The following CEP128 variants were observed in gnomAD, a reference collection of about 807,000 sequenced individuals.
The protein encoded by CEP128 is centrosomal protein 128kDa.
CEP128 carries 132 observed loss-of-function variants against 156.7 expected under a neutral mutation model. The observed-to-expected ratio is 0.84, with a 90% CI of 0.73 to 0.97. The LOEUF is 0.97. CEP128 is among the 50% of genes least tolerant of loss of function. CEP128 has a pLI of 0.00. For synonymous variants in CEP128, 469 were observed against 448.9 expected (o/e 1.04, Z -0.57); for missense variants, 1,252 against 1,281.9 (o/e 0.98, Z 0.36).
At chr14:80,700,733 A>T (rs1324176879) in intron 19 of CEP128, among the ~76,000 whole-genome samples, 2 of 152,152 alleles carry the variant, frequency 1.3e-5, no homozygotes, top group Non-Finnish European at 2.9e-5. Context: ...ATTCAAAGAG[A>T]AAGAGCAATG....
chr14:80,912,891 A>G (rs1358119129), intron 4 of CEP128, among the ~76,000 whole-genome samples: 2 of 152,188 alleles, frequency 1.3e-5, no homozygotes, highest in Admixed American at 6.5e-5. Context: ...GTACATATAC[A>G]ATGTGATTTT....
At chr14:80,872,755 G>T (rs1355065927) in intron 8 of CEP128, among the ~76,000 whole-genome samples, 1 of 152,122 alleles carries the variant, frequency 6.6e-6, no homozygotes, top group African/African-American at 2.4e-5. Flanking sequence ...CTGACAGCAG[G>T]TTATGAATTC....
chr14:80,566,530 A>G (rs1890915956), intron 20 of CEP128, among the ~76,000 whole-genome samples: 1 of 152,238 alleles, frequency 6.6e-6, no homozygotes, highest in Non-Finnish European at 1.5e-5. Context: ...CAAGACAAAA[A>G]TCACTATCTC....
downstream of CEP128, among the ~76,000 whole-genome samples, chr14:80,486,201 C>T (rs1417022839): frequency 6.6e-6 from 1 of 152,020 alleles, no homozygotes; most frequent in Non-Finnish European, 1.5e-5. Flanking sequence ...AAAGCCAAGG[C>T]TCAAGAACTA....
At chr14:80,937,368 A>T (rs1831931803) in intron 2 of CEP128, among the ~76,000 whole-genome samples, 1 of 152,140 alleles carries the variant, frequency 6.6e-6, no homozygotes, top group Non-Finnish European at 1.5e-5. Flanking sequence ...ATCTATTTCT[A>T]TGACTATTAA....
chr14:80,754,502 C>T (rs1046215079), intron 18 of CEP128, among the ~76,000 whole-genome samples: 5 of 135,064 alleles, frequency 3.7e-5, no homozygotes, highest in Non-Finnish European at 6.1e-5. Context: ...CTTGCTCTGT[C>T]ACCAGAATGG....
At chr14:80,851,497 A>G (rs547698353) in intron 9 of CEP128, among the ~76,000 whole-genome samples, 10 of 152,232 alleles carry the variant, frequency 6.6e-5, no homozygotes, top group Admixed American at 6.5e-4. Context: ...GATATCTTAG[A>G]CTAATAAGTA....
At chr14:80,648,703 T>C (rs984972097) in intron 19 of CEP128, among the ~76,000 whole-genome samples, 1 of 152,158 alleles carries the variant, frequency 6.6e-6, no homozygotes, top group Non-Finnish European at 1.5e-5. Context: ...TGTTTATTCA[T>C]TTTTTCATTC....
intron 1 of CEP128, among the ~76,000 whole-genome samples, chr14:80,958,681 A>G (rs1353150221): frequency 6.6e-6 from 1 of 152,108 alleles, no homozygotes. Context: ...CTTTCTAGAC[A>G]AGAAAGATCT....
intron 13 of CEP128, chr14:80,830,342 TA>T: frequency 4.5e-6 from 2 of 448,360 alleles, no homozygotes; most frequent in South Asian, 4.8e-5. Flanking sequence ...TTGGGTTATA[TA>T]AAATTAGGTG....
chr14:80,899,528 A>G (rs1883407161), intron 7 of CEP128, among the ~76,000 whole-genome samples: 1 of 152,208 alleles, frequency 6.6e-6, no homozygotes, highest in African/African-American at 2.4e-5. Flanking sequence ...AAGCTAAAGT[A>G]TTGGATTCTA....
Position 80,681,047 on chromosome 14 carries a change from G to A in CEP128, c.2806+62028C>T, listed in dbSNP as rs144945335. Among the ~76,000 whole-genome samples, 1,153 of 151,910 alleles carry A rather than the reference G, an allele frequency of 7.6e-3. 5 individuals are homozygous for A. Among genetic ancestry groups the A allele is most frequent in the Non-Finnish European group, 0.013 (879 of 67,996 alleles). ...GCTATATACCATGCTGGCTATAGTCGGCTCTTGCTCATAAATGCCAAATAC... is the reference window on the plus strand; with the variant it reads ...GCTATATACCATGCTGGCTATAGTCAGCTCTTGCTCATAAATGCCAAATAC... On this transcript the variant is annotated intron_variant, in intron 19 of 24. Transcript: ENST00000555265.
At chr14:80,764,468 C>T (rs1253342870) in intron 16 of CEP128, among the ~76,000 whole-genome samples, 5 of 150,512 alleles carry the variant, frequency 3.3e-5, no homozygotes, top group South Asian at 2.1e-4. Context: ...CACTGCAGTC[C>T]GCAGTCCGGC....
intron 13 of CEP128, among the ~76,000 whole-genome samples, chr14:80,819,438 G>C (rs1037122452): frequency 6.6e-6 from 1 of 151,790 alleles, no homozygotes; most frequent in Non-Finnish European, 1.5e-5. Flanking sequence ...AGTAGAGACG[G>C]GGTTTCACTG....
chr14:80,871,923 G>A (rs1888048387), intron 8 of CEP128, among the ~76,000 whole-genome samples: 1 of 152,050 alleles, frequency 6.6e-6, no homozygotes, highest in Non-Finnish European at 1.5e-5. Flanking sequence ...TCAATATGTT[G>A]ATTCCTCAGA....
At chr14:80,830,479 T>C (rs1300545046) in intron 13 of CEP128, 6 of 327,408 alleles carry the variant, frequency 1.8e-5, no homozygotes, top group Non-Finnish European at 5.5e-6. Context: ...GTGTCATCCA[T>C]GTTTAATCTA....
intron 4 of CEP128, among the ~76,000 whole-genome samples, chr14:80,913,535 T>C (rs925075835): frequency 5.9e-5 from 9 of 152,184 alleles, no homozygotes; most frequent in African/African-American, 1.9e-4. Flanking sequence ...TTGGATAGAA[T>C]TGGAGGCCAT....
chr14:80,760,174 T>C (rs563627379), intron 17 of CEP128, among the ~76,000 whole-genome samples: 20 of 151,978 alleles, frequency 1.3e-4, no homozygotes, highest in African/African-American at 4.8e-4. Context: ...AGAATTATCA[T>C]AGGCCCTACA....
chr14:80,952,152 A>G (rs1886479650), intron 2 of CEP128, among the ~76,000 whole-genome samples: 1 of 152,128 alleles, frequency 6.6e-6, no homozygotes, highest in Non-Finnish European at 1.5e-5. Context: ...AATACTATCA[A>G]CAACTTGACC....
Sources: gnomAD v4.1 joint callset for allele counts (sites outside exome capture counted in the v4.1 genomes callset) on GRCh38, gnomAD v4.1.1 for gene constraint, MANE v1.5 for transcripts, NCBI Gene and HGNC (gene_info 2026-07-23, HGNC 2026-07-21) for gene names.